DMGDH: variants seen among roughly 807,000 people sequenced by gnomAD.
DMGDH encodes the protein dimethylglycine dehydrogenase, also known as dimethylglycine dehydrogenase, mitochondrial.
A neutral mutation model predicts 95.2 loss-of-function variants in DMGDH; 76 were observed. The ratio of observed to expected loss-of-function variants is 0.80; its 90% CI spans 0.66 to 0.97. The LOEUF is 0.97. Ranked by LOEUF, DMGDH falls within the 50% of genes least tolerant of loss-of-function variation. DMGDH has a pLI of 0.00. For missense variants in DMGDH, 987 were observed against 1,055.0 expected, an observed-to-expected ratio of 0.94 and a Z score of 0.89; for synonymous variants, 345 against 377.6, an observed-to-expected ratio of 0.91 and a Z score of 1.00.
At chr5:79,042,721 A>T in intron 6 of DMGDH, among the ~76,000 whole-genome samples, 1 of 152,346 alleles carries the variant, frequency 6.6e-6, no homozygotes, top group East Asian at 1.9e-4. Flanking sequence ...ATTAATATAA[A>T]ATTTAAATGT....
At chr5:79,008,555 G>A (rs1753588146) in intron 14 of DMGDH, among the ~76,000 whole-genome samples, 1 of 152,162 alleles carries the variant, frequency 6.6e-6, no homozygotes, top group African/African-American at 2.4e-5. Context: ...TGGAGGCGAT[G>A]TGGTGGAAGC....
chr5:79,021,494 C>T, intron 14 of DMGDH: 5 of 1,263,974 alleles, frequency 4.0e-6, no homozygotes, highest in East Asian at 5.7e-5. Flanking sequence ...AACTCCAAGA[C>T]GGAAGGAAGC....
chr5:79,005,194 T>C, intron 15 of DMGDH, 79 bp downstream of exon 15: 1 of 1,591,404 alleles, frequency 6.3e-7, no homozygotes, highest in Non-Finnish European at 8.6e-7. Context: ...GCAAAAGGGT[T>C]TAAGAGGAAA....
chr5:79,012,409 G>A (rs1753661197), intron 14 of DMGDH, among the ~76,000 whole-genome samples: 1 of 152,202 alleles, frequency 6.6e-6, no homozygotes, highest in Non-Finnish European at 1.5e-5. Context: ...TTGAATGCCT[G>A]CAGCTTTTGC....
intron 15 of DMGDH, among the ~76,000 whole-genome samples, chr5:79,002,812 T>C (rs1006847683): frequency 6.6e-6 from 1 of 152,046 alleles, no homozygotes; most frequent in African/African-American, 2.4e-5. Flanking sequence ...TGAAAAAGGA[T>C]CAAAAAGAAG....
chr5:79,064,555 A>G (rs1055281446), intron 1 of DMGDH, among the ~76,000 whole-genome samples: 1 of 151,900 alleles, frequency 6.6e-6, no homozygotes, highest in African/African-American at 2.4e-5. Context: ...TTTTAAATGT[A>G]TTTTTCTTTT....
chr5:79,038,913 T>G (rs866046136), intron 7 of DMGDH, among the ~76,000 whole-genome samples: 2 of 151,934 alleles, frequency 1.3e-5, no homozygotes, highest in Non-Finnish European at 2.9e-5. Context: ...GAACAGACAC[T>G]TCTCAAAAGA....
chr5:79,053,776 G>T (rs989742311), intron 4 of DMGDH, among the ~76,000 whole-genome samples: 4 of 152,178 alleles, frequency 2.6e-5, no homozygotes, highest in Admixed American at 1.3e-4. Flanking sequence ...GATATTTGTA[G>T]AGCAACGTAC....
At chr5:79,033,120 C>A in intron 8 of DMGDH, 119 bp downstream of exon 8, 1 of 1,285,988 alleles carries the variant, frequency 7.8e-7, no homozygotes. Context: ...GGGCACAATG[C>A]TTTTTGGAGT....
intron 15 of DMGDH, chr5:79,000,916 C>G: frequency 1.5e-6 from 1 of 668,990 alleles, no homozygotes; most frequent in Admixed American, 2.4e-5. Context: ...AACTGATAGA[C>G]AGGTGGAGCT....
At position 79,018,743 on chromosome 5, in the gene DMGDH, G is replaced by T. The variant is rs997315716; in HGVS notation, c.2250+5528C>A. Among the ~76,000 whole-genome samples, 3 of 152,040 alleles carry T rather than the reference G, an allele frequency of 2.0e-5. No individual in the cohort carries two copies. The South Asian group carries it at 6.2e-4, about 32-fold the overall frequency. ...ATTATTTCAATTCATTCCTAGACCT[G>T]GGTTTCCATGGATATCCAAATTTGA... On this transcript the variant is annotated intron_variant, in intron 14 of 15. Transcript: ENST00000255189.
At chr5:79,041,216 A>G (rs762247696) in intron 7 of DMGDH, among the ~76,000 whole-genome samples, 5 of 152,372 alleles carry the variant, frequency 3.3e-5, no homozygotes, top group Non-Finnish European at 7.3e-5. Context: ...TTGGATCAGC[A>G]GAGCTGTGCC....
intron 5 of DMGDH, among the ~76,000 whole-genome samples, chr5:79,050,181 C>T (rs1025267367): frequency 7.1e-6 from 1 of 141,394 alleles, no homozygotes; most frequent in African/African-American, 2.6e-5. Flanking sequence ...CGCTTGAAAC[C>T]TGGTTGCAGT....
intron 7 of DMGDH, among the ~76,000 whole-genome samples, chr5:79,035,383 C>A (rs1466093144): frequency 2.0e-5 from 3 of 152,122 alleles, no homozygotes; most frequent in Non-Finnish European, 4.4e-5. Flanking sequence ...CACATAGAAG[C>A]TGATTTATGC....
At chr5:79,035,506 C>T (rs938760406) in intron 7 of DMGDH, among the ~76,000 whole-genome samples, 3 of 152,204 alleles carry the variant, frequency 2.0e-5, no homozygotes, top group Non-Finnish European at 2.9e-5. Context: ...GACCCTGGAA[C>T]GCATGCTCCT....
At chr5:79,037,609 G>A (rs1754380930) in intron 7 of DMGDH, among the ~76,000 whole-genome samples, 1 of 152,102 alleles carries the variant, frequency 6.6e-6, no homozygotes, top group South Asian at 2.1e-4. Context: ...GAGAAAATTA[G>A]CCAGAGCAAT....
At chr5:79,015,364 A>AATT (rs1368821195) in intron 14 of DMGDH, among the ~76,000 whole-genome samples, 4 of 152,214 alleles carry the variant, frequency 2.6e-5, no homozygotes. Context: ...ATGATCTCCC[A>AATT]GTCATCAGAC....
chr5:79,055,157 G>C (rs562435619), intron 3 of DMGDH, among the ~76,000 whole-genome samples: 1 of 152,246 alleles, frequency 6.6e-6, no homozygotes, highest in South Asian at 2.1e-4. Context: ...ATGTTATTGA[G>C]AGTAGCTGAA....
At position 79,030,811 on chromosome 5, in the gene DMGDH, G is replaced by A. The variant is rs1203576042; in HGVS notation, c.1683+22C>T. 6.8e-6 allele frequency: 11 copies of A among 1,613,124 alleles called. No homozygotes were observed. The African/African-American group carries it at 1.5e-4, about 22-fold the overall frequency. ...TAAATAGGTCAGAATCCTGGACCTTGTATCCCTACAAGGCTATTTACCTTT... is the reference window on the plus strand; with the variant it reads ...TAAATAGGTCAGAATCCTGGACCTTATATCCCTACAAGGCTATTTACCTTT... On this transcript the variant is annotated intron_variant, in intron 10 of 15. Transcript: ENST00000255189.
Sources: gnomAD v4.1 joint callset for allele counts (sites outside exome capture counted in the v4.1 genomes callset) on GRCh38, gnomAD v4.1.1 for gene constraint, MANE v1.5 for transcripts, NCBI Gene and HGNC (gene_info 2026-07-23, HGNC 2026-07-21) for gene names.